ELL2: variants seen among roughly 807,000 people sequenced by gnomAD.
ELL2 encodes RNA polymerase II elongation factor ELL2.
In ELL2, 21 loss-of-function variants were observed where a neutral mutation model predicts 72.8. The observed-to-expected ratio is 0.29, with a 90% CI of 0.20 to 0.42. ELL2 has a LOEUF of 0.42. Ranked by LOEUF, ELL2 falls within the 10% of genes least tolerant of loss-of-function variation. The probability of loss-of-function intolerance (pLI) is 1.00; values close to 1 mark genes in which losing one functional copy is unlikely to be tolerated. For synonymous variants in ELL2, 266 were observed against 283.2 expected (o/e 0.94, Z 0.61); for missense variants, 568 against 772.8 (o/e 0.73, Z 3.14).
intron 9 of ELL2, among the ~76,000 whole-genome samples, chr5:95,894,214 T>A (rs1353894467): frequency 6.6e-6 from 1 of 152,162 alleles, no homozygotes; most frequent in Non-Finnish European, 1.5e-5. Flanking sequence ...CACTCCAGCC[T>A]GGGCAACAAG....
At chr5:95,889,950 G>A (rs1748598135) in intron 10 of ELL2, among the ~76,000 whole-genome samples, 1 of 152,026 alleles carries the variant, frequency 6.6e-6, no homozygotes, top group South Asian at 2.1e-4. Flanking sequence ...TACCAGGCAT[G>A]GATCCAGGCA....
At chr5:95,926,139 T>G (rs1159023897) in intron 2 of ELL2, among the ~76,000 whole-genome samples, 1 of 151,618 alleles carries the variant, frequency 6.6e-6, no homozygotes, top group Non-Finnish European at 1.5e-5. Context: ...AGACCTGCAG[T>G]TATGACTTTA....
chr5:95,894,412 T>C (rs1748790793), intron 9 of ELL2, among the ~76,000 whole-genome samples: 2 of 152,226 alleles, frequency 1.3e-5, no homozygotes, highest in South Asian at 2.1e-4. Flanking sequence ...GAGCACTGCA[T>C]TGGCAGTTGC....
intron 2 of ELL2, among the ~76,000 whole-genome samples, chr5:95,936,422 C>T (rs1750775269): frequency 6.6e-6 from 1 of 152,134 alleles, no homozygotes. Context: ...GGTTTCCAAA[C>T]CTCATCATAG....
chr5:95,892,460 A>G (rs1282900762), intron 9 of ELL2, among the ~76,000 whole-genome samples: 1 of 152,166 alleles, frequency 6.6e-6, no homozygotes, highest in East Asian at 1.9e-4. Context: ...TACATATTAC[A>G]GTATTACTTA....
At chr5:95,891,517 T>C (rs981405099) in intron 9 of ELL2, among the ~76,000 whole-genome samples, 3 of 152,198 alleles carry the variant, frequency 2.0e-5, no homozygotes, top group African/African-American at 7.2e-5. Flanking sequence ...GCAATGGAAC[T>C]AAAATGCAAC....
intron 2 of ELL2, among the ~76,000 whole-genome samples, chr5:95,927,424 T>C (rs540663707): frequency 0.026 from 978 of 37,206 alleles, 260 homozygotes; most frequent in African/African-American, 0.16. Context: ...TATATAGACA[T>C]ACACACACAC....
At chr5:95,890,787 G>T (rs1185936037) in intron 10 of ELL2, among the ~76,000 whole-genome samples, 3 of 152,160 alleles carry the variant, frequency 2.0e-5, no homozygotes, top group African/African-American at 7.2e-5. Flanking sequence ...GTCTAAGTTG[G>T]CAGTGTAATT....
At chr5:95,896,769 A>G (rs1748892690) in intron 8 of ELL2, among the ~76,000 whole-genome samples, 1 of 152,192 alleles carries the variant, frequency 6.6e-6, no homozygotes, top group African/African-American at 2.4e-5. Flanking sequence ...GAAAGTTACT[A>G]TATCCTCAGT....
At chr5:95,937,859 G>A (rs1409510853) in intron 2 of ELL2, among the ~76,000 whole-genome samples, 3 of 152,076 alleles carry the variant, frequency 2.0e-5, no homozygotes, top group Non-Finnish European at 4.4e-5. Flanking sequence ...AAACATCAAG[G>A]GAAAGAAGTC....
At chr5:95,913,746 G>T in intron 4 of ELL2, 25 bp downstream of exon 4, 1 of 1,556,640 alleles carries the variant, frequency 6.4e-7, no homozygotes, top group South Asian at 1.2e-5. Flanking sequence ...CAATCAGCAA[G>T]AGGAAGAAAG....
intron 1 of ELL2, among the ~76,000 whole-genome samples, chr5:95,950,935 TATATATATATATATATATAAAATCTTC>T (rs1751367665): frequency 2.5e-5 from 3 of 121,624 alleles, no homozygotes; most frequent in African/African-American, 9.9e-5. Context: ...TATATATATA[TATATATATATATATATATAAAATCTTC>T]ATATATATGG....
intron 1 of ELL2, among the ~76,000 whole-genome samples, chr5:95,961,310 C>T (rs1751839414): frequency 6.6e-6 from 1 of 151,960 alleles, no homozygotes. Flanking sequence ...CGGAAAGTCC[C>T]GCAGCGGCAG....
At chr5:95,953,834 G>A (rs1751510887) in intron 1 of ELL2, among the ~76,000 whole-genome samples, 1 of 152,138 alleles carries the variant, frequency 6.6e-6, no homozygotes, top group Admixed American at 6.5e-5. Context: ...GTAAATCCAG[G>A]AACGTTATAT....
At chr5:95,905,708 G>A (rs1323139536) in intron 5 of ELL2, among the ~76,000 whole-genome samples, 1 of 150,526 alleles carries the variant, frequency 6.6e-6, no homozygotes, top group Non-Finnish European at 1.5e-5. Context: ...AAATAGACTT[G>A]AAATGTTACT....
chr5:95,945,094 G>A (rs983966949), intron 1 of ELL2, among the ~76,000 whole-genome samples: 13 of 152,064 alleles, frequency 8.5e-5, no homozygotes, highest in Admixed American at 7.9e-4. Flanking sequence ...TTCCTCAGCT[G>A]GCACCTCTGC....
chr5:95,903,109 C>A (rs1296037851), intron 5 of ELL2, among the ~76,000 whole-genome samples: 3 of 151,194 alleles, frequency 2.0e-5, no homozygotes, highest in Non-Finnish European at 4.4e-5. Context: ...TTTTCTTTTA[C>A]CCCCAGCACT....
chr5:95,901,099 A>G lies in ELL2; in HGVS notation c.742-19T>C. ...TGGCTACCTAGTATGAGGTATAAAAACAGAGCATTAGGTATTTTTACTATC... is the reference window on the plus strand; with the variant it reads ...TGGCTACCTAGTATGAGGTATAAAAGCAGAGCATTAGGTATTTTTACTATC... On this transcript the variant is annotated intron_variant, in intron 5 of 11. Transcript: ENST00000237853. 2.5e-6 allele frequency: 4 copies of G among 1,586,260 alleles called. No homozygotes were observed. Among genetic ancestry groups the G allele is most frequent in the Non-Finnish European group, 2.6e-6 (3 of 1,172,160 alleles).
chr5:95,950,844 ATGGTGGCTATC>A (rs2112356525), intron 1 of ELL2, among the ~76,000 whole-genome samples: 1 of 146,548 alleles, frequency 6.8e-6, no homozygotes, highest in East Asian at 2.0e-4. Flanking sequence ...CTTCTAGAAA[ATGGTGGCTATC>A]TGATACATGC....
Sources: allele counts gnomAD v4.1 joint callset (sites outside exome capture counted in the v4.1 genomes callset), GRCh38; gene constraint gnomAD v4.1.1; transcripts MANE v1.5; gene names NCBI Gene and HGNC (gene_info 2026-07-23, HGNC 2026-07-21).